The following RARB variants were observed in gnomAD, a reference collection of about 807,000 sequenced individuals.
RARB encodes retinoic acid receptor beta.
RARB carries 17 observed loss-of-function variants against 51.9 expected under a neutral mutation model. The ratio of observed to expected loss-of-function variants is 0.33; its 90% confidence interval spans 0.22 to 0.49. The LOEUF (loss-of-function observed/expected upper bound fraction) is 0.49, where lower values mean the gene tolerates loss of function less well. RARB is among the 20% of genes least tolerant of loss of function. RARB has a pLI of 0.99. For missense variants in RARB, 369 were observed against 550.8 expected, an observed-to-expected ratio of 0.67 and a Z score of 3.30; for synonymous variants, 215 against 195.4, an observed-to-expected ratio of 1.10 and a Z score of -0.84.
At chr3:25,390,499 C>A (rs1382300150) in intron 5 of RARB, among the ~76,000 whole-genome samples, 1 of 152,144 alleles carries the variant, frequency 6.6e-6, no homozygotes, top group African/African-American at 2.4e-5. Flanking sequence ...CCCAAATGGA[C>A]TAAGACTGGG....
intron 3 of RARB, among the ~76,000 whole-genome samples, chr3:25,113,474 G>A (rs1303021802): frequency 6.6e-6 from 1 of 152,260 alleles, no homozygotes; most frequent in Middle Eastern, 3.4e-3. Flanking sequence ...AAATGAAGTT[G>A]TCTTCTGAGT....
At chr3:25,035,226 A>G (rs531305437) in intron 2 of RARB, among the ~76,000 whole-genome samples, 94 of 152,168 alleles carry the variant, frequency 6.2e-4, no homozygotes, top group African/African-American at 2.2e-3. Context: ...CATTCAAGCA[A>G]TCCTCCCACC....
intron 5 of RARB, among the ~76,000 whole-genome samples, chr3:25,233,370 T>TA (rs533872405): frequency 6.6e-6 from 1 of 152,200 alleles, no homozygotes; most frequent in Non-Finnish European, 1.5e-5. Flanking sequence ...GATTTTTTTT[T>TA]ATGTGTTGAC....
At chr3:25,441,792 T>C (rs2125529586) in intron 1 of RARB, among the ~76,000 whole-genome samples, 1 of 152,372 alleles carries the variant, frequency 6.6e-6, no homozygotes, top group Middle Eastern at 3.4e-3. Context: ...TTTTGTTTTG[T>C]TGACTGGGTC....
At chr3:25,069,935 G>A (rs539069818) in intron 3 of RARB, among the ~76,000 whole-genome samples, 49 of 152,284 alleles carry the variant, frequency 3.2e-4, no homozygotes, top group African/African-American at 1.1e-3. Flanking sequence ...CTGTCATGAC[G>A]AAGTGCCACA....
Position 24,856,035 on chromosome 3 carries a change from C to A in RARB, c.-458-2639C>A, listed in dbSNP as rs533441285. ...AAAGTGCTGGGATTACAGGCGTGAA[C>A]CACTGCGCCTGGCCTGAAATCTGCA... On this transcript the variant is annotated intron_variant, in intron 1 of 11. Coordinates refer to the RARB transcript ENST00000383772. Among the ~76,000 whole-genome samples the A allele has an allele frequency of 2.1e-4, 32 of 151,242 alleles. No homozygotes were observed. The South Asian group carries it at 6.3e-3, about 30-fold the overall frequency.
At chr3:25,101,258 T>C (rs1344220737) in intron 3 of RARB, among the ~76,000 whole-genome samples, 1 of 152,136 alleles carries the variant, frequency 6.6e-6, no homozygotes, top group African/African-American at 2.4e-5. Flanking sequence ...TACCTGAGCC[T>C]GTGAGAATTC....
intron 2 of RARB, among the ~76,000 whole-genome samples, chr3:24,947,407 G>C (rs1188762586): frequency 6.6e-6 from 1 of 152,204 alleles, no homozygotes; most frequent in South Asian, 2.1e-4. Context: ...TAATTCACAA[G>C]ATTAAATTTT....
chr3:25,531,645 A>T (rs1698924444), intron 3 of RARB, among the ~76,000 whole-genome samples: 1 of 152,054 alleles, frequency 6.6e-6, no homozygotes, highest in South Asian at 2.1e-4. Flanking sequence ...TCTGGCTAAC[A>T]TCCAGAAGTG....
Position 25,562,280 on chromosome 3 carries a change from T to C in RARB, c.449-7478T>C, listed in dbSNP as rs190096551. Reference sequence around the variant, plus strand: ...AGAGGTTTTTTAAAAACAAGGTGAATTGATCATACAGTAAGTGTGTGAGTT... The same window carrying C: ...AGAGGTTTTTTAAAAACAAGGTGAACTGATCATACAGTAAGTGTGTGAGTT... On this transcript the variant is annotated intron_variant, in intron 3 of 7. Coordinates refer to ENST00000330688, the MANE Select transcript of RARB (RefSeq NM_000965.5). Among the ~76,000 whole-genome samples, 31 of 152,238 alleles carry C rather than the reference T, an allele frequency of 2.0e-4. No homozygotes were observed. In the East Asian group the frequency reaches 5.2e-3, roughly 26 times the overall value.
intron 3 of RARB, among the ~76,000 whole-genome samples, chr3:25,551,443 G>A (rs1388196747): frequency 1.3e-5 from 2 of 152,178 alleles, no homozygotes; most frequent in Non-Finnish European, 2.9e-5. Context: ...AAGAGAGGAG[G>A]ATAGGTCTGC....
At chr3:25,353,808 T>G (rs1470340048) in intron 5 of RARB, among the ~76,000 whole-genome samples, 3 of 152,070 alleles carry the variant, frequency 2.0e-5, no homozygotes. Context: ...GTTGTGACAA[T>G]AAACCCAGAC....
chr3:24,959,568 T>C (rs1367873722), intron 2 of RARB, among the ~76,000 whole-genome samples: 2 of 152,112 alleles, frequency 1.3e-5, no homozygotes, highest in African/African-American at 2.4e-5. Flanking sequence ...AGTGGGAAGA[T>C]GGGGATGTAA....
chr3:25,431,674 T>C (rs772147272), intron 1 of RARB, among the ~76,000 whole-genome samples: 1 of 152,152 alleles, frequency 6.6e-6, no homozygotes, highest in Non-Finnish European at 1.5e-5. Context: ...AAATAACGAG[T>C]GTGACAACTT....
chr3:25,022,704 G>A (rs958616788), intron 2 of RARB, among the ~76,000 whole-genome samples: 1 of 152,166 alleles, frequency 6.6e-6, no homozygotes. Context: ...AGGCTTCCCT[G>A]AAGAGCTGAC....
intron 2 of RARB, among the ~76,000 whole-genome samples, chr3:25,040,022 A>T (rs1698080899): frequency 1.3e-5 from 2 of 152,214 alleles, no homozygotes; most frequent in African/African-American, 4.8e-5. Flanking sequence ...CTTAATGGTG[A>T]CATTCTCCTG....
At chr3:25,326,516 TTAAAAA>T (rs1165587586) in intron 5 of RARB, among the ~76,000 whole-genome samples, 5 of 152,194 alleles carry the variant, frequency 3.3e-5, no homozygotes, top group African/African-American at 1.2e-4. Context: ...AGAGAAAAAG[TTAAAAA>T]TAATATGGTT....
chr3:25,219,747 G>A (rs1404677122), intron 5 of RARB, among the ~76,000 whole-genome samples: 1 of 152,162 alleles, frequency 6.6e-6, no homozygotes, highest in Non-Finnish European at 1.5e-5. Flanking sequence ...GCTTCAGGAA[G>A]TCCCGTTAGA....
At position 25,188,094 on chromosome 3, in the gene RARB, T is replaced by C. The variant is rs567479979; in HGVS notation, c.178+13519T>C. Reference sequence around the variant, plus strand: ...TAAATATTAAGTATCAAGACAATATTCTTACATTTTTAACATATATATTGT... The same window carrying C: ...TAAATATTAAGTATCAAGACAATATCCTTACATTTTTAACATATATATTGT... On this transcript the variant is annotated intron_variant, in intron 5 of 11. Transcript: ENST00000383772. 2.6e-5 allele frequency among the ~76,000 whole-genome samples: 4 copies of C among 152,212 alleles called. No homozygotes were observed. In the East Asian group the frequency reaches 7.7e-4, roughly 29 times the overall value.
Sources: gnomAD v4.1 joint callset for allele counts (sites outside exome capture counted in the v4.1 genomes callset) on GRCh38, gnomAD v4.1.1 for gene constraint, MANE v1.5 for transcripts, NCBI Gene and HGNC (gene_info 2026-07-23, HGNC 2026-07-21) for gene names.